The following TNR variants were observed in gnomAD, a reference collection of about 807,000 sequenced individuals.
TNR encodes the protein tenascin-R.
Under a neutral mutation model 150.4 loss-of-function variants are expected in TNR, and 45 were observed. That is an observed-to-expected ratio of 0.30 (90% CI 0.24 to 0.38). TNR has a LOEUF of 0.38. Among genes scored for constraint, TNR ranks in the 10% least tolerant of loss-of-function variants. The pLI is 1.00. For missense variants in TNR, 1,544 were observed against 1,759.1 expected (o/e 0.88, Z 2.19); for synonymous variants, 687 against 678.4 (o/e 1.01, Z -0.20).
At chr1:175,574,183 C>T (rs957662966) in intron 1 of TNR, among the ~76,000 whole-genome samples, 2 of 152,154 alleles carry the variant, frequency 1.3e-5, no homozygotes, top group African/African-American at 2.4e-5. Flanking sequence ...ATGACAAGGA[C>T]CTTCAGGCCA....
intron 2 of TNR, among the ~76,000 whole-genome samples, chr1:175,523,375 T>G (rs1659721348): frequency 6.6e-6 from 1 of 152,244 alleles, no homozygotes; most frequent in South Asian, 2.1e-4. Context: ...TTATTCATGG[T>G]TTGAAGCCCT....
At chr1:175,615,482 C>G (rs190385109) in intron 1 of TNR, among the ~76,000 whole-genome samples, 4 of 152,336 alleles carry the variant, frequency 2.6e-5, no homozygotes, top group Admixed American at 2.6e-4. Context: ...GCCCCTTACA[C>G]AGGCAGGGAT....
intron 1 of TNR, among the ~76,000 whole-genome samples, chr1:175,631,276 A>G (rs1386629935): frequency 2.0e-5 from 3 of 152,242 alleles, no homozygotes; most frequent in African/African-American, 7.2e-5. Flanking sequence ...ACTAGAAACA[A>G]TTGAATTCAG....
At chr1:175,697,951 C>T (rs1289391493) in intron 1 of TNR, among the ~76,000 whole-genome samples, 1 of 152,220 alleles carries the variant, frequency 6.6e-6, no homozygotes, top group African/African-American at 2.4e-5. Context: ...TCAGCCCTGC[C>T]TTTCCATCAT....
At chr1:175,631,124 CA>C (rs1664310918) in intron 1 of TNR, among the ~76,000 whole-genome samples, 1 of 152,174 alleles carries the variant, frequency 6.6e-6, no homozygotes, top group Admixed American at 6.5e-5. Context: ...TGCCCAAGTC[CA>C]ATCAGTCATC....
intron 2 of TNR, among the ~76,000 whole-genome samples, chr1:175,493,545 CT>C (rs1163081373): frequency 3.3e-5 from 5 of 152,364 alleles, no homozygotes; most frequent in Non-Finnish European, 7.3e-5. Flanking sequence ...TTTCTAACAG[CT>C]TTCATGGAGG....
chr1:175,417,075 G>GAA (rs754333098), intron 2 of TNR, among the ~76,000 whole-genome samples: 14 of 138,166 alleles, frequency 1.0e-4, no homozygotes, highest in Non-Finnish European at 1.9e-4. Flanking sequence ...AAGAAAGAAA[G>GAA]AAATCTAAGA....
intron 1 of TNR, among the ~76,000 whole-genome samples, chr1:175,674,025 G>A (rs1311902580): frequency 1.3e-5 from 2 of 152,200 alleles, no homozygotes; most frequent in African/African-American, 4.8e-5. Context: ...ATAGTGCTGT[G>A]TGCCTCAACT....
chr1:175,399,523 G>GCT (rs1653598378), intron 4 of TNR, among the ~76,000 whole-genome samples: 1 of 152,248 alleles, frequency 6.6e-6, no homozygotes, highest in Admixed American at 6.5e-5. Context: ...CCTCGTGGAA[G>GCT]TGGTCTTGAC....
intron 1 of TNR, among the ~76,000 whole-genome samples, chr1:175,540,734 C>G: frequency 6.6e-6 from 1 of 152,150 alleles, no homozygotes; most frequent in East Asian, 1.9e-4. Flanking sequence ...TTCTCTCAGC[C>G]CTTGTTATCT....
At position 175,359,594 on chromosome 1, in the gene TNR, A is replaced by C; in HGVS notation, c.2974+18T>G. ...CACCATTCCCACCTGCCTGATCTGCAGGCCTGCAGACACCCACCTGCAAAG... is the reference window on the plus strand; with the variant it reads ...CACCATTCCCACCTGCCTGATCTGCCGGCCTGCAGACACCCACCTGCAAAG... On this transcript the variant is annotated intron_variant, in intron 15 of 22. Coordinates refer to ENST00000367674, the MANE Select transcript of TNR (RefSeq NM_003285.3). The C allele has an allele frequency of 1.2e-6, 2 of 1,612,996 alleles. No homozygotes were observed. Among genetic ancestry groups the C allele is most frequent in the Non-Finnish European group, 8.5e-7 (1 of 1,179,710 alleles).
intron 1 of TNR, among the ~76,000 whole-genome samples, chr1:175,621,326 T>G (rs1663969226): frequency 6.6e-6 from 1 of 152,168 alleles, no homozygotes; most frequent in Admixed American, 6.6e-5. Flanking sequence ...CTGAATCAAG[T>G]CCAAATCCTT....
intron 18 of TNR, among the ~76,000 whole-genome samples, chr1:175,351,788 A>G (rs1281417576): frequency 2.6e-5 from 4 of 152,196 alleles, no homozygotes; most frequent in African/African-American, 4.8e-5. Context: ...AAACACAGAC[A>G]TATCTTTGCC....
chr1:175,449,961 G>A (rs12568413), intron 2 of TNR, among the ~76,000 whole-genome samples: 9,084 of 152,080 alleles, frequency 0.06, 452 homozygotes, highest in East Asian at 0.25. Context: ...TTGCTTTTGC[G>A]ACACCTGCTC....
At chr1:175,434,822 C>T (rs1655424840) in intron 2 of TNR, among the ~76,000 whole-genome samples, 1 of 152,154 alleles carries the variant, frequency 6.6e-6, no homozygotes, top group African/African-American at 2.4e-5. Context: ...CTTGACAATT[C>T]TTGGTTCCTT....
chr1:175,396,353 T>C (rs1480214827), intron 5 of TNR, among the ~76,000 whole-genome samples, 191 bp downstream of exon 5: 1 of 152,212 alleles, frequency 6.6e-6, no homozygotes, highest in African/African-American at 2.4e-5. Context: ...ATTTGGAAAC[T>C]CTCTTAATCG....
intron 1 of TNR, among the ~76,000 whole-genome samples, chr1:175,642,824 A>G (rs1664706077): frequency 6.6e-6 from 1 of 152,250 alleles, no homozygotes; most frequent in South Asian, 2.1e-4. Context: ...CCAGCTACTC[A>G]GGAGGCTGAA....
At chr1:175,401,840 T>A (rs1653715691) in intron 4 of TNR, among the ~76,000 whole-genome samples, 1 of 152,228 alleles carries the variant, frequency 6.6e-6, no homozygotes, top group Non-Finnish European at 1.5e-5. Flanking sequence ...TGTTTGTTTG[T>A]TGTTATTTTT....
intron 18 of TNR, among the ~76,000 whole-genome samples, chr1:175,353,980 G>C (rs1651197409): frequency 6.6e-6 from 1 of 151,886 alleles, no homozygotes; most frequent in Non-Finnish European, 1.5e-5. Context: ...TGAGTAGCTG[G>C]GATTACAGGC....
Sources: gnomAD v4.1 joint callset for allele counts (sites outside exome capture counted in the v4.1 genomes callset) on GRCh38, gnomAD v4.1.1 for gene constraint, MANE v1.5 for transcripts, NCBI Gene and HGNC (gene_info 2026-07-23, HGNC 2026-07-21) for gene names.